The following ESPNL variants were observed in gnomAD, a reference collection of about 807,000 sequenced individuals.
The protein encoded by ESPNL is espin-like protein.
A neutral mutation model predicts 46.8 loss-of-function variants in ESPNL; 49 were observed. That is an observed-to-expected ratio of 1.05 (90% CI 0.83 to 1.33). ESPNL has a LOEUF of 1.33. ESPNL is among the 40% of genes most tolerant of loss of function. The probability of loss-of-function intolerance (pLI) is 0.00; values close to 1 mark genes in which losing one functional copy is unlikely to be tolerated. For missense variants in ESPNL, 1,540 were observed against 1,436.6 expected (o/e 1.07, Z -1.16); for synonymous variants, 664 against 662.1 (o/e 1.00, Z -0.04).
intron 8 of ESPNL, among the ~76,000 whole-genome samples, chr2:238,129,516 A>AT (rs1462774115): frequency 1.8e-4 from 27 of 152,130 alleles, no homozygotes; most frequent in African/African-American, 6.5e-4. Context: ...CCTGGCTGGG[A>AT]TTATTGCACC....
At chr2:238,104,873 A>C in intron 3 of ESPNL, 31 bp downstream of exon 3, 1 of 1,436,450 alleles carries the variant, frequency 7.0e-7, no homozygotes, top group Non-Finnish European at 9.2e-7. Flanking sequence ...GGAAGGGGAC[A>C]TCCAGGGAGT....
chr2:238,119,146 GA>G (rs746341773), intron 5 of ESPNL, among the ~76,000 whole-genome samples: 2 of 99,834 alleles, frequency 2.0e-5, no homozygotes, highest in African/African-American at 8.8e-5. Flanking sequence ...GATGGAGGAG[GA>G]ATGGATGGAG....
In ESPNL at chr2:238,104,767, C is replaced by T. The variant is rs1691558555; in HGVS notation, c.597C>T (p.His199=). The change falls in exon 3 of 9, where the codon CAC becomes CAT. Residue 199 remains histidine, a synonymous_variant. Transcript: ENST00000343063. ...FLVKDCGADV[H]LRALDGMSAL... Reference sequence around the variant, plus strand: ...TGAAGGACTGTGGCGCTGACGTGCACCTTCGTGCTCTCGATGGCATGAGCG... The same window carrying T: ...TGAAGGACTGTGGCGCTGACGTGCATCTTCGTGCTCTCGATGGCATGAGCG... 2.5e-6 allele frequency: 4 copies of T among 1,602,688 alleles called. No homozygotes were observed. Among genetic ancestry groups the T allele is most frequent in the Non-Finnish European group, 3.4e-6 (4 of 1,176,218 alleles).
intron 4 of ESPNL, among the ~76,000 whole-genome samples, chr2:238,108,914 A>G (rs1691659283): frequency 2.0e-5 from 3 of 152,228 alleles, no homozygotes; most frequent in African/African-American, 7.2e-5. Context: ...AGCCTTTGGC[A>G]GAATGCAGAG....
rs200935476 is a variant in ESPNL at position 238,130,140 on chromosome 2, A to C, written c.1426A>C (p.Ser476Arg). The C allele has an allele frequency of 1.4e-5, 22 of 1,609,768 alleles. 1 individual carries two copies. In the Admixed American group the frequency reaches 2.2e-4, roughly 16 times the overall value. The change falls in exon 9 of 9, where the codon AGC becomes CGC. Residue 476 changes from serine to arginine, a missense_variant. Transcript: ENST00000343063. ...SSAEAQDNGGSSGPTEQAAWR... is the reference protein window; with the variant it reads ...SSAEAQDNGGRSGPTEQAAWR... ...TTCCTGTGCCCAGGACAATGGTGGG[A>C]GCTCAGGCCCCACGGAGCAGGCGGC...
In ESPNL at chr2:238,131,842, T is replaced by A; in HGVS notation, c.*110T>A. The stretch of plus-strand genomic sequence containing the variant: ...TTCAGGTGAGCCGGGCAAGGCTGCC[T>A]CCAGTCCTACCAGTTATCGGAGGCT... On this transcript the variant is annotated 3_prime_UTR_variant, in exon 9 of 9. Transcript: ENST00000343063. The A allele has an allele frequency of 8.2e-7, 1 of 1,216,970 alleles. No individual in the cohort carries two copies. The highest frequency in any genetic ancestry group is 1.2e-6 in the Non-Finnish European group (1 of 863,206). 75.4% of individuals were successfully genotyped at this position (1,216,970 alleles called of 1,614,324 possible). A position where few individuals can be genotyped will look rare whatever the true frequency, so the allele number is the denominator to read the frequency against.
At chr2:238,126,754 TTGTGTC>T (rs1692131452) in intron 6 of ESPNL, among the ~76,000 whole-genome samples, 1 of 151,490 alleles carries the variant, frequency 6.6e-6, no homozygotes. Context: ...GTATCTGTGA[TTGTGTC>T]TGTGTATCTG....
chr2:238,123,834 C>T (rs373092394), intron 5 of ESPNL, among the ~76,000 whole-genome samples: 81 of 152,250 alleles, frequency 5.3e-4, no homozygotes, highest in African/African-American at 1.8e-3. Context: ...TGCGTGGGGG[C>T]CGGGCAGATG....
In ESPNL at chr2:238,127,696, C is replaced by T. The variant is rs1692171970; in HGVS notation, c.1177C>T (p.Pro393Ser). Residue 393 changes from proline to serine, a missense_variant, in exon 7 of 9, where the codon CCT becomes TCT. Coordinates refer to ENST00000343063, the MANE Select transcript of ESPNL (RefSeq NM_194312.4). ...LPREQMTSPA[P>S]PRIITSATAD... ...CAGGGAGCAGATGACCAGCCCGGCC[C>T]CTCCGAGGATCATCACCAGTGCCAC... 3 of 1,612,250 alleles carry T rather than the reference C, an allele frequency of 1.9e-6. No individual in the cohort carries two copies. Among genetic ancestry groups the T allele is most frequent in the Non-Finnish European group, 2.5e-6 (3 of 1,179,480 alleles).
In ESPNL at chr2:238,131,441, C is replaced by A; in HGVS notation, c.2727C>A (p.Ala909=). Residue 909 remains alanine (A), a synonymous_variant, in exon 9 of 9, where the codon GCC becomes GCA. Transcript: ENST00000343063. ...AFHKAVTDEV[A]AGRRAWTDGF... ...ACAAGGCCGTGACCGACGAGGTGGC[C>A]GCCGGCCGCCGGGCCTGGACCGACG... 2 of 1,609,080 alleles carry A rather than the reference C, an allele frequency of 1.2e-6. No individual in the cohort carries two copies. The highest frequency in any genetic ancestry group is 3.3e-5 in the Admixed American group (2 of 59,800).
At position 238,130,822 on chromosome 2, in the gene ESPNL, C is replaced by A. The variant is rs1414076328; in HGVS notation, c.2108C>A (p.Pro703His). 1 of 1,546,054 alleles carries A rather than the reference C, an allele frequency of 6.5e-7. No individual in the cohort carries two copies. Among genetic ancestry groups the A allele is most frequent in the African/African-American group, 1.4e-5 (1 of 73,668 alleles). The stretch of plus-strand genomic sequence containing the variant: ...CGCAGTGGCCTGGCTTCAGGGGAGC[C>A]CAGGCCTGGCGACACAGAGGAGGCC... ...KPRSGLASGE[P>H]RPGDTEEASD... is the part of the protein sequence containing the mutation. Residue 703 changes from proline (P) to histidine (H), a missense_variant, in exon 9 of 9, where the codon CCC becomes CAC. Transcript: ENST00000343063.
chr2:238,130,470 G>A lies in ESPNL; in HGVS notation c.1756G>A (p.Val586Met), dbSNP rs765251731. The change falls in exon 9 of 9, where the codon GTG becomes ATG. Residue 586 changes from valine to methionine, a missense_variant. Transcript: ENST00000343063. ...GGAGGCCTCAGAGGTGGCCCCCGGG[G>A]TGCAGCCCCTGCCCTTCTGGTGCAG... ...SAEASEVAPG[V>M]QPLPFWCSHI... 1 of 1,600,208 alleles carries A rather than the reference G, an allele frequency of 6.2e-7. No homozygotes were observed. The highest frequency in any genetic ancestry group is 8.5e-7 in the Non-Finnish European group (1 of 1,173,838).
At chr2:238,124,264 GGAGGGCAGGGACAA>G (rs1224715699) in intron 5 of ESPNL, among the ~76,000 whole-genome samples, 1 of 152,222 alleles carries the variant, frequency 6.6e-6, no homozygotes, top group Admixed American at 6.5e-5. Context: ...AGTGCCCACT[GGAGGGCAGGGACAA>G]GAGCTTTGGT....
intron 8 of ESPNL, among the ~76,000 whole-genome samples, chr2:238,129,652 A>G (rs778638740): frequency 7.9e-5 from 12 of 152,262 alleles, no homozygotes; most frequent in Non-Finnish European, 1.5e-4. Context: ...TCAGAGTCCT[A>G]TGATTTTGTC....
intron 6 of ESPNL, among the ~76,000 whole-genome samples, chr2:238,126,216 T>TTG (rs1692108437): frequency 8.1e-5 from 3 of 37,042 alleles, no homozygotes; most frequent in African/African-American, 3.7e-4. Context: ...CTCTCTGTGA[T>TTG]TGTGTCTGTG....
At chr2:238,102,224 G>A in intron 2 of ESPNL, 93 bp downstream of exon 2, 2 of 1,159,028 alleles carry the variant, frequency 1.7e-6, no homozygotes, top group Non-Finnish European at 2.4e-6. Context: ...ACAGGCTGGT[G>A]GCCTTTGAGG....
intron 7 of ESPNL, 94 bp downstream of exon 7, chr2:238,127,828 C>T: frequency 1.1e-6 from 1 of 929,752 alleles, no homozygotes; most frequent in Non-Finnish European, 1.6e-6. Context: ...CCCAGCACAG[C>T]CAGGCCTTTC....
intron 7 of ESPNL, among the ~76,000 whole-genome samples, chr2:238,128,360 C>T (rs1270727850): frequency 6.6e-6 from 1 of 152,226 alleles, no homozygotes; most frequent in African/African-American, 2.4e-5. Flanking sequence ...CAGGCTTTGT[C>T]TATGTAGCTG....
intron 5 of ESPNL, among the ~76,000 whole-genome samples, chr2:238,119,067 AT>A: frequency 9.1e-6 from 1 of 109,888 alleles, no homozygotes. Context: ...AAGAGGATGG[AT>A]GGAAGAGGGT....
Sources: gnomAD v4.1 joint callset for allele counts (sites outside exome capture counted in the v4.1 genomes callset) on GRCh38, gnomAD v4.1.1 for gene constraint, MANE v1.5 for transcripts, NCBI Gene and HGNC (gene_info 2026-07-23, HGNC 2026-07-21) for gene names.